Variants in EYA4 observed in about 807,000 individuals in gnomAD.
EYA4 encodes EYA transcriptional coactivator and phosphatase 4.
Under a neutral mutation model 87.9 loss-of-function variants are expected in EYA4, and 31 were observed. The observed-to-expected ratio is 0.35, with a 90% confidence interval of 0.27 to 0.48. The LOEUF is 0.48. EYA4 is among the 20% of genes least tolerant of loss of function. The pLI, the probability that EYA4 is intolerant of heterozygous loss-of-function variation, is 0.99. For synonymous variants in EYA4, 263 were observed against 270.6 expected (o/e 0.97, Z 0.28); for missense variants, 678 against 761.4 (o/e 0.89, Z 1.29).
intron 2 of EYA4, among the ~76,000 whole-genome samples, chr6:133,353,434 A>G (rs773958988): frequency 4.6e-5 from 7 of 152,144 alleles, no homozygotes; most frequent in Admixed American, 6.5e-5. Flanking sequence ...ATGTCAAACC[A>G]AATTCTGGCT....
intron 2 of EYA4, among the ~76,000 whole-genome samples, chr6:133,292,199 C>T (rs1340315939): frequency 6.6e-6 from 1 of 152,160 alleles, no homozygotes; most frequent in South Asian, 2.1e-4. Context: ...CAGACACATT[C>T]CGTTGCACAA....
intron 17 of EYA4, among the ~76,000 whole-genome samples, chr6:133,517,055 A>G (rs1799658890): frequency 6.6e-6 from 1 of 152,184 alleles, no homozygotes; most frequent in Non-Finnish European, 1.5e-5. Context: ...GCTGGGTTAA[A>G]TAGTAGTTTT....
At chr6:133,511,649 T>G (rs991228441) in intron 14 of EYA4, 4 of 152,016 alleles carry the variant, frequency 2.6e-5, no homozygotes, top group Non-Finnish European at 4.4e-5. Flanking sequence ...TAAGTTACCA[T>G]TTGTTCTGAG....
chr6:133,529,895 T>C lies in EYA4; in HGVS notation c.*1090T>C, dbSNP rs1800910184. 2 of 985,332 alleles carry C rather than the reference T, an allele frequency of 2.0e-6. No homozygotes were observed. Among genetic ancestry groups the C allele is most frequent in the Non-Finnish European group, 2.4e-6 (2 of 829,824 alleles). 61.0% of individuals were successfully genotyped at this position (985,332 alleles called of 1,614,324 possible). A position where few individuals can be genotyped will look rare whatever the true frequency, so the allele number is the denominator to read the frequency against. On this transcript the variant is annotated 3_prime_UTR_variant, in exon 20 of 20. Coordinates refer to ENST00000355286, the MANE Select transcript of EYA4 (RefSeq NM_004100.5). ...AGACTTTTGATATGTGTAAGTTGCA[T>C]AGAGGAGGATATTATCATGCAAATC...
chr6:133,461,380 T>A (rs1794369971), intron 7 of EYA4, among the ~76,000 whole-genome samples, 200 bp downstream of exon 7: 1 of 152,186 alleles, frequency 6.6e-6, no homozygotes, highest in African/African-American at 2.4e-5. Flanking sequence ...AAGCTCAAAT[T>A]AGAATACATT....
At chr6:133,408,819 T>C (rs776377445) in intron 3 of EYA4, among the ~76,000 whole-genome samples, 5 of 152,230 alleles carry the variant, frequency 3.3e-5, no homozygotes, top group Non-Finnish European at 5.9e-5. Context: ...TTCTCATTTG[T>C]GTATGATTTA....
intron 2 of EYA4, among the ~76,000 whole-genome samples, chr6:133,313,700 G>A (rs1429495112): frequency 6.6e-6 from 1 of 152,068 alleles, no homozygotes; most frequent in Non-Finnish European, 1.5e-5. Flanking sequence ...TTATAACTCT[G>A]TTTTCATTCT....
At chr6:133,475,372 C>A (rs1399316903) in intron 11 of EYA4, among the ~76,000 whole-genome samples, 3 of 151,978 alleles carry the variant, frequency 2.0e-5, no homozygotes, top group African/African-American at 7.2e-5. Flanking sequence ...TCTTTAAAAT[C>A]AAATACAGTT....
intron 3 of EYA4, among the ~76,000 whole-genome samples, chr6:133,423,374 T>C (rs1462259179): frequency 1.3e-5 from 2 of 152,232 alleles, no homozygotes; most frequent in African/African-American, 4.8e-5. Flanking sequence ...GTAATATTTC[T>C]TTCCAAATTG....
intron 14 of EYA4, chr6:133,510,574 C>A: frequency 1.2e-5 from 3 of 257,284 alleles, no homozygotes; most frequent in South Asian, 4.3e-5. Context: ...CTTGCAATGC[C>A]TTTACTGGAT....
chr6:133,524,254 T>C (rs1800435178), intron 18 of EYA4, among the ~76,000 whole-genome samples: 1 of 152,202 alleles, frequency 6.6e-6, no homozygotes, highest in Non-Finnish European at 1.5e-5. Flanking sequence ...GTAAAGACAA[T>C]ATTCTTTCTG....
intron 2 of EYA4, among the ~76,000 whole-genome samples, chr6:133,287,648 C>G (rs1778170771): frequency 6.6e-6 from 1 of 152,130 alleles, no homozygotes; most frequent in Non-Finnish European, 1.5e-5. Context: ...GATAACAGTC[C>G]TGTATTTCTG....
chr6:133,324,328 G>A (rs1304157544), intron 2 of EYA4, among the ~76,000 whole-genome samples: 1 of 152,026 alleles, frequency 6.6e-6, no homozygotes, highest in Admixed American at 6.6e-5. Flanking sequence ...TTCCATTTAA[G>A]CTCCTGTAAT....
Position 133,529,348 on chromosome 6 carries a change from A to G in EYA4, c.*543A>G, listed in dbSNP as rs1258482319. ...TATTAGCAGCTGACTTTCAAAGTGGATGCAATTTTTCTTTCTTTTGTTGGG... is the reference window on the plus strand; with the variant it reads ...TATTAGCAGCTGACTTTCAAAGTGGGTGCAATTTTTCTTTCTTTTGTTGGG... On this transcript the variant is annotated 3_prime_UTR_variant, in exon 20 of 20. Transcript: ENST00000355286. 3 of 994,100 alleles carry G rather than the reference A, an allele frequency of 3.0e-6. No individual in the cohort carries two copies. Among genetic ancestry groups the G allele is most frequent in the African/African-American group, 3.5e-5 (2 of 57,260 alleles). 61.6% of individuals were successfully genotyped at this position (994,100 alleles called of 1,614,324 possible).
chr6:133,523,299 A>T, intron 18 of EYA4, 122 bp downstream of exon 18: 1 of 1,013,010 alleles, frequency 9.9e-7, no homozygotes, highest in Non-Finnish European at 1.5e-6. Context: ...TCAAATTACA[A>T]AGTCCCCTAC....
At chr6:133,383,545 A>AAAAT (rs1312860441) in intron 3 of EYA4, among the ~76,000 whole-genome samples, 4 of 149,506 alleles carry the variant, frequency 2.7e-5, no homozygotes, top group African/African-American at 4.9e-5. Context: ...AAAAAAAAAA[A>AAAAT]TGTAATGGCC....
intron 1 of EYA4, among the ~76,000 whole-genome samples, chr6:133,272,851 G>C (rs1776815694): frequency 6.6e-6 from 1 of 152,086 alleles, no homozygotes; most frequent in African/African-American, 2.4e-5. Context: ...AGGTCTTGGG[G>C]CCAAAATGAT....
chr6:133,523,698 C>T (rs1800385169), intron 18 of EYA4, among the ~76,000 whole-genome samples: 1 of 152,188 alleles, frequency 6.6e-6, no homozygotes. Context: ...ATCAAAGAAC[C>T]ACAACCTTGT....
intron 13 of EYA4, among the ~76,000 whole-genome samples, chr6:133,497,487 G>A (rs1023942884): frequency 6.6e-6 from 1 of 152,100 alleles, no homozygotes; most frequent in African/African-American, 2.4e-5. Flanking sequence ...TGACGATGGT[G>A]AATGAGGAAC....
Sources: allele counts gnomAD v4.1 joint callset (sites outside exome capture counted in the v4.1 genomes callset), GRCh38; gene constraint gnomAD v4.1.1; transcripts MANE v1.5; gene names NCBI Gene and HGNC (gene_info 2026-07-23, HGNC 2026-07-21).